Variants in COXFA4 observed in about 807,000 individuals in gnomAD.
COXFA4 encodes cytochrome c oxidase associated subunit FA4, also known as cytochrome c oxidase subunit FA4.
the COXFA4 span, chr7:10,940,116 A>G: frequency 1.3e-6 from 2 of 1,553,098 alleles, no homozygotes; most frequent in Non-Finnish European, 1.8e-6. Flanking sequence ...CCAGGCCCTA[A>G]GCTAAAAATT....
chr7:10,937,626 T>C, the COXFA4 span, among the ~76,000 whole-genome samples: 1 of 152,024 alleles, frequency 6.6e-6, no homozygotes, highest in Non-Finnish European at 1.5e-5. Context: ...TATGCAAAAT[T>C]TTTTACACAT....
chr7:10,938,798 A>G, the COXFA4 span: 3 of 1,607,602 alleles, frequency 1.9e-6, no homozygotes, highest in Non-Finnish European at 2.6e-6. Flanking sequence ...AAACATTTTT[A>G]AGTACTTACC....
At chr7:10,938,613 C>G in the COXFA4 span, 5 of 529,392 alleles carry the variant, frequency 9.4e-6, no homozygotes, top group Non-Finnish European at 1.7e-5. Flanking sequence ...AAAGAGAAAA[C>G]GAGACTCAGA....
At chr7:10,935,029 C>G in the COXFA4 span, among the ~76,000 whole-genome samples, 1 of 152,226 alleles carries the variant, frequency 6.6e-6, no homozygotes, top group Non-Finnish European at 1.5e-5. Context: ...GCCCAGGCAC[C>G]GGGCTAGATG....
chr7:10,934,743 A>C, the COXFA4 span, among the ~76,000 whole-genome samples: 2 of 152,202 alleles, frequency 1.3e-5, no homozygotes, highest in Non-Finnish European at 2.9e-5. Flanking sequence ...TGACAAAAAA[A>C]ATCCTCAGGT....
the COXFA4 span, chr7:10,932,360 A>C: frequency 6.6e-6 from 1 of 152,276 alleles, no homozygotes; most frequent in South Asian, 2.1e-4. Flanking sequence ...CACTCTACAC[A>C]CTCTAAATTC....
chr7:10,939,779 G>T, the COXFA4 span: 5 of 598,214 alleles, frequency 8.4e-6, no homozygotes, highest in Admixed American at 8.7e-5. Context: ...AAAAAACTAG[G>T]TTTTTTTTCC....
chr7:10,933,687 G>A, the COXFA4 span: 1 of 1,607,036 alleles, frequency 6.2e-7, no homozygotes, highest in South Asian at 1.1e-5. Context: ...CATTCACTGA[G>A]TAGAACTTGG....
chr7:10,936,791 C>A, the COXFA4 span, among the ~76,000 whole-genome samples: 1 of 152,116 alleles, frequency 6.6e-6, no homozygotes. Context: ...AATACCAGCA[C>A]TGGGGGGTTG....
the COXFA4 span, chr7:10,938,080 T>G: frequency 1.2e-6 from 2 of 1,611,488 alleles, no homozygotes; most frequent in Non-Finnish European, 8.5e-7. Flanking sequence ...AAAACAATTT[T>G]GTAGTTTACC....
the COXFA4 span, chr7:10,933,729 A>G: frequency 3.4e-5 from 50 of 1,483,260 alleles, no homozygotes; most frequent in Non-Finnish European, 4.5e-5. Context: ...AGTAATCTCA[A>G]ATACACAGAG....
chr7:10,940,117 G>A, the COXFA4 span: 4 of 1,547,230 alleles, frequency 2.6e-6, no homozygotes, highest in South Asian at 1.1e-5. Context: ...CAGGCCCTAA[G>A]CTAAAAATTA....
chr7:10,937,039 C>A, the COXFA4 span, among the ~76,000 whole-genome samples: 4 of 151,854 alleles, frequency 2.6e-5, no homozygotes, highest in Admixed American at 6.6e-5. Context: ...CTGTCTCCAA[C>A]AACAACAACA....
At chr7:10,939,847 G>C in the COXFA4 span, 1 of 790,760 alleles carries the variant, frequency 1.3e-6, no homozygotes, top group Admixed American at 1.7e-5. Context: ...ATGGCGTAGA[G>C]GGTCACAGAG....
At chr7:10,940,019 CG>C in the COXFA4 span, 78 of 1,613,784 alleles carry the variant, frequency 4.8e-5, no homozygotes, top group Non-Finnish European at 6.6e-5. Flanking sequence ...AACTTACGCT[CG>C]GATGCTTCTT....
the COXFA4 span, chr7:10,938,048 C>A: frequency 5.1e-6 from 8 of 1,563,398 alleles, no homozygotes; most frequent in Non-Finnish European, 7.1e-6. Flanking sequence ...AAACTTATTA[C>A]AACACAATTT....
At chr7:10,937,855 G>A in the COXFA4 span, 1 of 529,204 alleles carries the variant, frequency 1.9e-6, no homozygotes, top group South Asian at 2.3e-5. Flanking sequence ...CTAAGAAAAT[G>A]GTAAATGATA....
At chr7:10,937,274 G>T in the COXFA4 span, among the ~76,000 whole-genome samples, 1 of 151,522 alleles carries the variant, frequency 6.6e-6, no homozygotes, top group Non-Finnish European at 1.5e-5. Context: ...TAATGAAGCC[G>T]CCCTTGGTTT....
At chr7:10,939,561 G>C in the COXFA4 span, 12 of 182,412 alleles carry the variant, frequency 6.6e-5, no homozygotes, top group Non-Finnish European at 1.2e-4. Context: ...CAGACAAAGT[G>C]AGGATTCCAA....
Sources: allele counts gnomAD v4.1 joint callset (sites outside exome capture counted in the v4.1 genomes callset), GRCh38; gene constraint gnomAD v4.1.1; transcripts MANE v1.5; gene names NCBI Gene and HGNC (gene_info 2026-07-23, HGNC 2026-07-21).